Variants in MAP3K19 observed in about 807,000 individuals in gnomAD.
MAP3K19 encodes SPS1/STE20-related protein kinase YSK4.
Under a neutral mutation model 114.4 loss-of-function variants are expected in MAP3K19, and 91 were observed. The observed-to-expected ratio is 0.80, with a 90% confidence interval of 0.67 to 0.95. The LOEUF is 0.95. MAP3K19 is among the 40% of genes least tolerant of loss of function. The pLI, the probability that MAP3K19 is intolerant of heterozygous loss-of-function variation, is 0.00. For synonymous variants in MAP3K19, 518 were observed against 530.5 expected (o/e 0.98, Z 0.32); for missense variants, 1,471 against 1,573.2 (o/e 0.94, Z 1.10).
chr2:135,000,479 C>A (rs772220280), intron 6 of MAP3K19, among the ~76,000 whole-genome samples: 1 of 152,190 alleles, frequency 6.6e-6, no homozygotes, highest in Admixed American at 6.5e-5. Flanking sequence ...TTATAGAATA[C>A]GCGCTTGCTC....
At chr2:134,974,735 A>G (rs564403971) in intron 12 of MAP3K19, among the ~76,000 whole-genome samples, 2 of 152,076 alleles carry the variant, frequency 1.3e-5, no homozygotes, top group Non-Finnish European at 2.9e-5. Context: ...AAAGATCTGT[A>G]TTCAAGTCCT....
rs774229914 is a variant in MAP3K19, at chr2:134,979,641, G to GTTTTTTTT, written c.3920+1172_3920+1179dup. On this transcript the variant is annotated intron_variant, in intron 12 of 12. Transcript: ENST00000392915. ...TACGATTTTCCAACACATTTATGCG[G>GTTTTTTTT]TTTTTTTTTTTTTTTTTTTTGGAGA... Among the ~76,000 whole-genome samples, 4 of 117,754 alleles carry GTTTTTTTT rather than the reference G, an allele frequency of 3.4e-5. 1 individual carries two copies. Among genetic ancestry groups the GTTTTTTTT allele is most frequent in the South Asian group, 2.9e-4 (1 of 3,432 alleles). 77.3% of individuals were successfully genotyped at this position (117,754 alleles called of 152,430 possible).
At chr2:134,968,462 G>A (rs1369083956) in intron 12 of MAP3K19, among the ~76,000 whole-genome samples, 31 of 130,186 alleles carry the variant, frequency 2.4e-4, no homozygotes, top group East Asian at 2.4e-3. Flanking sequence ...CTCACCTCCC[G>A]GATGGGGTGG....
At chr2:134,996,033 G>A (rs1177651509) in intron 8 of MAP3K19, among the ~76,000 whole-genome samples, 1 of 151,926 alleles carries the variant, frequency 6.6e-6, no homozygotes, top group Non-Finnish European at 1.5e-5. Flanking sequence ...TTGGCCTCCT[G>A]GAATCAAGCA....
intron 9 of MAP3K19, chr2:134,991,294 CTG>C: frequency 4.3e-6 from 2 of 467,318 alleles, no homozygotes; most frequent in Non-Finnish European, 7.8e-6. Context: ...GAGTGAGACT[CTG>C]TCTCAAAAAA....
At chr2:135,027,665 T>C (rs1558742432) in intron 3 of MAP3K19, among the ~76,000 whole-genome samples, 1 of 152,192 alleles carries the variant, frequency 6.6e-6, no homozygotes, top group African/African-American at 2.4e-5. Flanking sequence ...GTTTGGGAAA[T>C]TTATATCCAG....
chr2:135,004,940 A>G (rs1271400887), intron 6 of MAP3K19, among the ~76,000 whole-genome samples: 4 of 152,182 alleles, frequency 2.6e-5, no homozygotes, highest in African/African-American at 7.2e-5. Context: ...TGGGGAAAGG[A>G]TGTTATCAGA....
rs1363879823 is a variant in MAP3K19, at chr2:135,033,191, C to G, written c.-283-2691G>C. On this transcript the variant is annotated intron_variant, in intron 2 of 12. Coordinates refer to ENST00000392915, the MANE Select transcript of MAP3K19 (RefSeq NM_025052.5). ...CTCCTCACATCCCAGTAGGGGCGGC[C>G]GGGCAGAGGCGCCCCTCATCTCCCA... is the stretch of plus-strand genomic sequence containing the variant. 3.6e-5 allele frequency among the ~76,000 whole-genome samples: 4 copies of G among 110,028 alleles called. No homozygotes were observed. The South Asian group carries it at 1.6e-3, about 43-fold the overall frequency. The allele number at this position is 110,028 out of a possible 152,430, so 72.2% of individuals were successfully genotyped here.
chr2:134,988,481 C>T (rs1402038552), intron 9 of MAP3K19, among the ~76,000 whole-genome samples: 1 of 152,132 alleles, frequency 6.6e-6, no homozygotes, highest in Non-Finnish European at 1.5e-5. Flanking sequence ...GCCTTGACTT[C>T]CTGGGCTCAA....
At chr2:135,016,157 T>G (rs1687575419) in intron 5 of MAP3K19, among the ~76,000 whole-genome samples, 1 of 152,190 alleles carries the variant, frequency 6.6e-6, no homozygotes, top group Non-Finnish European at 1.5e-5. Context: ...CTCAGGAGAC[T>G]GAAGCAGGAG....
At chr2:135,000,120 C>T (rs1686334706) in intron 6 of MAP3K19, 105 bp from the exon 7 acceptor site, 1 of 750,036 alleles carries the variant, frequency 1.3e-6, no homozygotes, top group Admixed American at 2.1e-5. Flanking sequence ...TTAATGATTA[C>T]AAAATGGACA....
chr2:135,001,783 T>C (rs535251204), intron 6 of MAP3K19, among the ~76,000 whole-genome samples: 24 of 152,356 alleles, frequency 1.6e-4, no homozygotes, highest in African/African-American at 5.8e-4. Context: ...CAAGAATTAA[T>C]AAACCCAGAA....
chr2:135,004,961 T>C (rs1192669915), intron 6 of MAP3K19, among the ~76,000 whole-genome samples: 1 of 151,892 alleles, frequency 6.6e-6, no homozygotes, highest in Non-Finnish European at 1.5e-5. Flanking sequence ...CAAAAAGAAA[T>C]GGACAGGGAA....
At chr2:135,013,532 T>C (rs572436158) in intron 5 of MAP3K19, among the ~76,000 whole-genome samples, 2 of 152,326 alleles carry the variant, frequency 1.3e-5, no homozygotes, top group South Asian at 2.1e-4. Context: ...CATTATAGAA[T>C]CATACAGAGT....
chr2:134,965,605 A>AT (rs965937572), intron 12 of MAP3K19, among the ~76,000 whole-genome samples: 9 of 151,416 alleles, frequency 5.9e-5, no homozygotes, highest in South Asian at 2.1e-4. Context: ...CCATCTTTTG[A>AT]TTTTTTTTTC....
rs772666727 is a variant in MAP3K19, at chr2:134,998,823, T to G, written c.489A>C (p.Arg163Ser). 2 of 1,614,208 alleles carry G rather than the reference T, an allele frequency of 1.2e-6. No individual in the cohort carries two copies. The highest frequency in any genetic ancestry group is 2.7e-5 in the African/African-American group (2 of 75,044). Residue 163 changes from arginine to serine, a missense_variant, in exon 8 of 13, where the codon AGA becomes AGC. Transcript: ENST00000392915. ...CNVNLGFLLP[R>S]SCLELNISKS... is the part of the protein sequence containing the mutation. ...TGGAAATGTTCAGTTCTAAACAAGA[T>G]CTTGGTAGCAAAAAGCCCAAGTTCA...
rs76387728 is a variant in MAP3K19 at position 134,976,278 on chromosome 2, T to A, written c.3920+4543A>T. ...GAGCTCCCTCTCCGGAGCAATGCTGTCACATGGTTTCCAGGCAGCTCCATA... is the reference window on the plus strand; with the variant it reads ...GAGCTCCCTCTCCGGAGCAATGCTGACACATGGTTTCCAGGCAGCTCCATA... On this transcript the variant is annotated intron_variant, in intron 12 of 12. Transcript: ENST00000392915. Among the ~76,000 whole-genome samples the A allele has an allele frequency of 0.025, 3,766 of 152,210 alleles. 407 individuals are homozygous for A. The East Asian group carries it at 0.38, about 15-fold the overall frequency.
chr2:135,035,503 A>T lies in MAP3K19; in HGVS notation c.-284+4860T>A, dbSNP rs567690307. On this transcript the variant is annotated intron_variant, in intron 2 of 12. Coordinates refer to ENST00000392915, the MANE Select transcript of MAP3K19 (RefSeq NM_025052.5). ...CTGGGGTGGGAGTTGGGAAGAAAGG[A>T]TATAGAGTGATAGCTAAAGGATATC... 2.0e-5 allele frequency among the ~76,000 whole-genome samples: 3 copies of T among 152,324 alleles called. No individual in the cohort carries two copies. The South Asian group carries it at 6.2e-4, about 32-fold the overall frequency.
chr2:135,025,309 C>T lies in MAP3K19; in HGVS notation c.-94-568G>A, dbSNP rs755359003. 7.4e-4 allele frequency among the ~76,000 whole-genome samples: 110 copies of T among 148,836 alleles called. 2 individuals carry two copies. Among genetic ancestry groups the T allele is most frequent in the Non-Finnish European group, 4.4e-4 (30 of 67,680 alleles). On this transcript the variant is annotated intron_variant, in intron 3 of 12. Coordinates refer to ENST00000392915, the MANE Select transcript of MAP3K19 (RefSeq NM_025052.5). ...TAAGCTGATACTTTTATTTCATGGTCTCTTGGATGAGTGGAGCAATCTTGT... is the reference window on the plus strand; with the variant it reads ...TAAGCTGATACTTTTATTTCATGGTTTCTTGGATGAGTGGAGCAATCTTGT...
Sources: allele counts gnomAD v4.1 joint callset (sites outside exome capture counted in the v4.1 genomes callset), GRCh38; gene constraint gnomAD v4.1.1; transcripts MANE v1.5; gene names NCBI Gene and HGNC (gene_info 2026-07-23, HGNC 2026-07-21).